The following GPC5 variants were observed in gnomAD, a reference collection of about 807,000 sequenced individuals.
GPC5 encodes the protein glypican 5.
In GPC5, 47 loss-of-function variants were observed where a neutral mutation model predicts 53.9. That is an observed-to-expected ratio of 0.87 (90% CI 0.69 to 1.11). The LOEUF is 1.11. GPC5 is among the 50% of genes most tolerant of loss of function. The probability of loss-of-function intolerance (pLI) is 0.00; values close to 1 mark genes in which losing one functional copy is unlikely to be tolerated. For synonymous variants in GPC5, 286 were observed against 263.3 expected (o/e 1.09, Z -0.84); for missense variants, 748 against 713.1 (o/e 1.05, Z -0.56).
At chr13:92,752,523 T>G (rs1285325052) in intron 7 of GPC5, among the ~76,000 whole-genome samples, 1 of 152,088 alleles carries the variant, frequency 6.6e-6, no homozygotes, top group Non-Finnish European at 1.5e-5. Context: ...GGTCTACAGC[T>G]CCCAGCGTGA....
At chr13:92,034,794 C>T (rs548406399) in intron 6 of GPC5, among the ~76,000 whole-genome samples, 39 of 151,928 alleles carry the variant, frequency 2.6e-4, no homozygotes, top group Non-Finnish European at 3.7e-4. Context: ...TTTAAGAAAG[C>T]GTAACATTAT....
intron 7 of GPC5, among the ~76,000 whole-genome samples, chr13:92,345,116 G>A (rs1005710185): frequency 4.6e-5 from 7 of 152,004 alleles, no homozygotes; most frequent in African/African-American, 1.7e-4. Context: ...TGCATGAGGA[G>A]TTACCAGAAT....
At chr13:91,512,552 CCTG>C (rs1885289115) in intron 2 of GPC5, among the ~76,000 whole-genome samples, 1 of 152,182 alleles carries the variant, frequency 6.6e-6, no homozygotes, top group Admixed American at 6.5e-5. Context: ...TGGCAAAGGC[CCTG>C]CACACCTCGA....
intron 2 of GPC5, among the ~76,000 whole-genome samples, chr13:91,692,915 A>G (rs2035787476): frequency 6.6e-6 from 1 of 152,240 alleles, no homozygotes; most frequent in Non-Finnish European, 1.5e-5. Context: ...AAGTGCTGGA[A>G]TTACAGGCGT....
chr13:92,081,485 GA>G (rs1250093504), intron 6 of GPC5, among the ~76,000 whole-genome samples: 1 of 152,114 alleles, frequency 6.6e-6, no homozygotes, highest in Admixed American at 6.6e-5. Context: ...GGATTTTAAA[GA>G]GGCAATTAGG....
intron 7 of GPC5, among the ~76,000 whole-genome samples, chr13:92,379,044 A>G (rs1446703797): frequency 6.6e-6 from 1 of 152,204 alleles, no homozygotes; most frequent in Non-Finnish European, 1.5e-5. Flanking sequence ...GTTTTAAATG[A>G]GGTAACCCAG....
chr13:92,303,095 C>T (rs1446147085), intron 7 of GPC5, among the ~76,000 whole-genome samples: 13 of 151,874 alleles, frequency 8.6e-5, no homozygotes, highest in Admixed American at 7.2e-4. Context: ...TTGTTTTTTT[C>T]CCCCCTATGG....
At chr13:91,813,718 T>A (rs2038351607) in intron 5 of GPC5, among the ~76,000 whole-genome samples, 1 of 152,146 alleles carries the variant, frequency 6.6e-6, no homozygotes, top group South Asian at 2.1e-4. Context: ...GTATCTACTC[T>A]TTTTGTAAAA....
At chr13:92,698,846 A>G (rs1289052690) in intron 7 of GPC5, among the ~76,000 whole-genome samples, 1 of 152,080 alleles carries the variant, frequency 6.6e-6, no homozygotes, top group African/African-American at 2.4e-5. Context: ...TGACTTTTTA[A>G]TGATCGCCAT....
chr13:91,903,021 C>T (rs2039514648), intron 5 of GPC5, among the ~76,000 whole-genome samples: 1 of 122,216 alleles, frequency 8.2e-6, no homozygotes, highest in South Asian at 3.0e-4. Context: ...CTTAACTGTA[C>T]AGCTCAGTAC....
chr13:91,877,386 G>A (rs551336434), intron 5 of GPC5, among the ~76,000 whole-genome samples: 4 of 152,320 alleles, frequency 2.6e-5, no homozygotes, highest in African/African-American at 9.6e-5. Context: ...AAGCCACAGG[G>A]GCAGAGCTGC....
At chr13:92,466,003 GATA>G (rs1321091787) in intron 7 of GPC5, among the ~76,000 whole-genome samples, 1 of 151,886 alleles carries the variant, frequency 6.6e-6, no homozygotes, top group Non-Finnish European at 1.5e-5. Flanking sequence ...GCGTACACAC[GATA>G]ATAATGTGTT....
In GPC5 at chr13:92,126,794, T is replaced by C. The variant is rs373339959; in HGVS notation, c.1402-18036T>C. On this transcript the variant is annotated intron_variant, in intron 6 of 7. Transcript: ENST00000377067. The stretch of plus-strand genomic sequence containing the variant: ...CCTTAAACCAGTAGGATACTAACAA[T>C]AGAAATGGAAAGGAAAAGTTGGAGT... 1.4e-4 allele frequency among the ~76,000 whole-genome samples: 21 copies of C among 150,274 alleles called. No homozygotes were observed. The East Asian group carries it at 4.0e-3, about 29-fold the overall frequency.
intron 7 of GPC5, among the ~76,000 whole-genome samples, chr13:92,506,286 CA>C (rs1433539051): frequency 1.1e-4 from 16 of 152,080 alleles, no homozygotes; most frequent in African/African-American, 3.9e-4. Context: ...TCAAAAACTT[CA>C]TATGAATGAA....
chr13:91,679,817 A>G (rs1244516174), intron 2 of GPC5, among the ~76,000 whole-genome samples: 2 of 152,214 alleles, frequency 1.3e-5, no homozygotes, highest in South Asian at 2.1e-4. Flanking sequence ...ATGTCATGAA[A>G]TAAGATTGCA....
At chr13:92,622,359 C>A (rs542300790) in intron 7 of GPC5, among the ~76,000 whole-genome samples, 1 of 152,306 alleles carries the variant, frequency 6.6e-6, no homozygotes, top group East Asian at 1.9e-4. Flanking sequence ...GTTGCTCACA[C>A]CAGATGCTGC....
intron 7 of GPC5, among the ~76,000 whole-genome samples, chr13:92,191,470 G>A (rs1201261049): frequency 6.6e-6 from 1 of 152,122 alleles, no homozygotes. Context: ...GAGTTTGTCA[G>A]TTTCTTAGAA....
intron 6 of GPC5, among the ~76,000 whole-genome samples, chr13:91,918,027 G>T (rs1191842155): frequency 8.5e-5 from 13 of 152,170 alleles, no homozygotes; most frequent in Admixed American, 8.5e-4. Flanking sequence ...AAATTCCTGA[G>T]ACTGGGTAAT....
At chr13:92,100,472 T>A (rs1477910337) in intron 6 of GPC5, among the ~76,000 whole-genome samples, 1 of 152,140 alleles carries the variant, frequency 6.6e-6, no homozygotes, top group African/African-American at 2.4e-5. Flanking sequence ...ACTAGGTACT[T>A]CACAGGGATA....
Sources: allele counts gnomAD v4.1 joint callset (sites outside exome capture counted in the v4.1 genomes callset), GRCh38; gene constraint gnomAD v4.1.1; transcripts MANE v1.5; gene names NCBI Gene and HGNC (gene_info 2026-07-23, HGNC 2026-07-21).